The following NARS2 variants were observed in gnomAD, a reference collection of about 807,000 sequenced individuals.
NARS2 encodes the protein asparaginyl-tRNA synthetase 2, mitochondrial.
In NARS2, 60 loss-of-function variants were observed where a neutral mutation model predicts 62.9. That is an observed-to-expected ratio of 0.95 (90% CI 0.77 to 1.18). The LOEUF is 1.18. Ranked by LOEUF, NARS2 falls within the 50% of genes most tolerant of loss-of-function variation. NARS2 has a pLI of 0.00. For missense variants in NARS2, 619 were observed against 576.4 expected, an observed-to-expected ratio of 1.07 and a Z score of -0.76; for synonymous variants, 196 against 200.0, an observed-to-expected ratio of 0.98 and a Z score of 0.17.
chr11:78,535,887 G>A (rs1386122595), intron 5 of NARS2, among the ~76,000 whole-genome samples: 2 of 151,920 alleles, frequency 1.3e-5, no homozygotes, highest in Admixed American at 1.3e-4. Flanking sequence ...AAAGTGCTGG[G>A]ATTACAGGTG....
intron 5 of NARS2, among the ~76,000 whole-genome samples, chr11:78,532,864 A>C (rs1461318310): frequency 6.6e-6 from 1 of 152,202 alleles, no homozygotes; most frequent in Non-Finnish European, 1.5e-5. Flanking sequence ...GTAACTCATA[A>C]ATCAGCATTG....
rs115138977 is a variant in NARS2, at chr11:78,571,142, C to T, written c.251+193G>A. Among the ~76,000 whole-genome samples the T allele has an allele frequency of 9.3e-3, 1,416 of 152,122 alleles. 24 individuals are homozygous for T. Among genetic ancestry groups the T allele is most frequent in the African/African-American group, 0.033 (1,368 of 41,496 alleles). ...AGGGGATATCAGCATGTGACAATGTCAAATAGAGGAGGAAAGGCCTGAGCT... is the reference window on the plus strand; with the variant it reads ...AGGGGATATCAGCATGTGACAATGTTAAATAGAGGAGGAAAGGCCTGAGCT... On this transcript the variant is annotated intron_variant, in intron 2 of 13. Coordinates refer to ENST00000281038, the MANE Select transcript of NARS2 (RefSeq NM_024678.6).
At chr11:78,437,550 A>C (rs1346733426) in intron 13 of NARS2, among the ~76,000 whole-genome samples, 1 of 152,238 alleles carries the variant, frequency 6.6e-6, no homozygotes, top group African/African-American at 2.4e-5. Context: ...AATGGCACAG[A>C]CATGACTGAA....
intron 6 of NARS2, among the ~76,000 whole-genome samples, chr11:78,503,698 G>C (rs1384839479): frequency 2.0e-5 from 3 of 152,196 alleles, no homozygotes; most frequent in African/African-American, 7.2e-5. Flanking sequence ...AAATCAAACA[G>C]AGCTTGGTTT....
At chr11:78,526,611 C>T (rs1361895400) in intron 6 of NARS2, among the ~76,000 whole-genome samples, 1 of 152,076 alleles carries the variant, frequency 6.6e-6, no homozygotes, top group South Asian at 2.1e-4. Context: ...AGTACAAATA[C>T]TTCATGGCAC....
intron 12 of NARS2, among the ~76,000 whole-genome samples, 195 bp from the exon 13 acceptor site, chr11:78,441,312 C>T (rs887820499): frequency 6.6e-6 from 1 of 152,134 alleles, no homozygotes; most frequent in African/African-American, 2.4e-5. Context: ...AAGGTGTTAT[C>T]AAATAAATGG....
intron 5 of NARS2, among the ~76,000 whole-genome samples, chr11:78,545,967 T>C (rs112447661): frequency 1.3e-4 from 20 of 152,364 alleles, no homozygotes; most frequent in Non-Finnish European, 2.2e-4. Flanking sequence ...TCTGTTCTGA[T>C]TACCTATTGG....
At chr11:78,468,354 C>G (rs1025634634) in intron 10 of NARS2, among the ~76,000 whole-genome samples, 1 of 134,606 alleles carries the variant, frequency 7.4e-6, no homozygotes, top group Non-Finnish European at 1.5e-5. Context: ...GAAAAACACA[C>G]CTGTTTAGTT....
chr11:78,544,795 CAAAAAAAAA>C (rs35180232), intron 5 of NARS2, among the ~76,000 whole-genome samples: 1 of 63,258 alleles, frequency 1.6e-5, no homozygotes, highest in African/African-American at 6.2e-5. Context: ...CTCCGTCTCA[CAAAAAAAAA>C]AAAAAAAAAA....
chr11:78,571,334 C>A lies in NARS2; in HGVS notation c.251+1G>T. ...GAATTCTTTTAAAAAACAAAACTCACCTACTGTCAAGGCCTGAATCTGCAA... is the reference window on the plus strand; with the variant it reads ...GAATTCTTTTAAAAAACAAAACTCAACTACTGTCAAGGCCTGAATCTGCAA... On this transcript the variant is annotated splice_donor_variant, in intron 2 of 13. Transcript: ENST00000281038. LOFTEE classifies it high-confidence loss of function. 1 of 1,601,190 alleles carries A rather than the reference C, an allele frequency of 6.2e-7. No individual in the cohort carries two copies. Among genetic ancestry groups the A allele is most frequent in the Non-Finnish European group, 8.6e-7 (1 of 1,168,754 alleles).
chr11:78,572,835 T>C (rs1046414039), intron 1 of NARS2, among the ~76,000 whole-genome samples: 1 of 152,178 alleles, frequency 6.6e-6, no homozygotes, highest in African/African-American at 2.4e-5. Flanking sequence ...TATAAAAACA[T>C]ATTGAGATAT....
intron 9 of NARS2, 130 bp from the exon 10 acceptor site, chr11:78,469,443 G>T (rs1219551571): frequency 1.1e-5 from 7 of 648,616 alleles, no homozygotes; most frequent in Non-Finnish European, 1.9e-5. Flanking sequence ...AATTAAGGCT[G>T]ATCTAATCCT....
At chr11:78,532,153 A>G (rs1249792422) in intron 5 of NARS2, among the ~76,000 whole-genome samples, 3 of 152,188 alleles carry the variant, frequency 2.0e-5, no homozygotes, top group African/African-American at 4.8e-5. Flanking sequence ...TACTTATGGT[A>G]GTGATAAAGA....
chr11:78,526,835 A>G (rs1406016258), intron 6 of NARS2, among the ~76,000 whole-genome samples: 2 of 152,148 alleles, frequency 1.3e-5, no homozygotes, highest in African/African-American at 4.8e-5. Flanking sequence ...CTTTATAAAT[A>G]ATAGAAATGA....
intron 11 of NARS2, among the ~76,000 whole-genome samples, chr11:78,447,488 C>A (rs1857804286): frequency 6.6e-6 from 1 of 152,166 alleles, no homozygotes; most frequent in African/African-American, 2.4e-5. Context: ...AGCAATCCCA[C>A]TTCTGGGTAT....
Position 78,571,378 on chromosome 11 carries a change from A to G in NARS2, c.208T>C (p.Leu70=). 6 of 1,613,816 alleles carry G rather than the reference A, an allele frequency of 3.7e-6. No homozygotes were observed. Among genetic ancestry groups the G allele is most frequent in the Non-Finnish European group, 5.1e-6 (6 of 1,179,932 alleles). The change falls in exon 2 of 14, where the codon TTG becomes CTG. Residue 70 remains leucine, a synonymous_variant. Coordinates refer to ENST00000281038, the MANE Select transcript of NARS2 (RefSeq NM_024678.6). ...LFLHVNDGSS[L]ESLQVVADSG... ...TCTGCAACAACCTGAAGGCTTTCCA[A>G]AGATGACCCATCATTTACATGCAGG...
chr11:78,494,216 T>C (rs193178363), intron 6 of NARS2, among the ~76,000 whole-genome samples: 6 of 152,230 alleles, frequency 3.9e-5, no homozygotes, highest in Admixed American at 2.0e-4. Flanking sequence ...TTAATACTTA[T>C]TGTTTCCCTC....
intron 11 of NARS2, among the ~76,000 whole-genome samples, chr11:78,454,095 GGTTCACTTATGA>G (rs1442414418): frequency 6.6e-6 from 1 of 152,098 alleles, no homozygotes; most frequent in African/African-American, 2.4e-5. Context: ...ACTCCACAAA[GGTTCACTTATGA>G]GTTCCTCCAC....
intron 5 of NARS2, among the ~76,000 whole-genome samples, chr11:78,540,934 G>A (rs985555267): frequency 1.1e-4 from 17 of 152,126 alleles, no homozygotes; most frequent in African/African-American, 3.6e-4. Flanking sequence ...CAAGGTAGGC[G>A]CATCACCTGA....
Sources: gnomAD v4.1 joint callset for allele counts (sites outside exome capture counted in the v4.1 genomes callset) on GRCh38, gnomAD v4.1.1 for gene constraint, MANE v1.5 for transcripts, NCBI Gene and HGNC (gene_info 2026-07-23, HGNC 2026-07-21) for gene names.